The following HTR4 variants were observed in gnomAD, a reference collection of about 807,000 sequenced individuals.
HTR4 encodes 5-hydroxytryptamine receptor 4.
A neutral mutation model predicts 36.8 loss-of-function variants in HTR4; 16 were observed. The ratio of observed to expected loss-of-function variants is 0.43; its 90% CI spans 0.29 to 0.66. The LOEUF (loss-of-function observed/expected upper bound fraction) is 0.66. Among genes scored for constraint, HTR4 ranks in the 30% least tolerant of loss-of-function variants. The pLI is 0.13. For missense variants in HTR4, 438 were observed against 490.9 expected (o/e 0.89, Z 1.02); for synonymous variants, 189 against 185.1 (o/e 1.02, Z -0.17).
intron 2 of HTR4, among the ~76,000 whole-genome samples, chr5:148,612,308 C>T (rs1271306166): frequency 8.0e-5 from 12 of 150,736 alleles, no homozygotes; most frequent in African/African-American, 2.9e-4. Context: ...TGTAAAAGAA[C>T]AGAAATTATA....
intron 5 of HTR4, among the ~76,000 whole-genome samples, chr5:148,460,614 A>G (rs1036307544): frequency 2.6e-5 from 4 of 152,166 alleles, no homozygotes; most frequent in Admixed American, 6.5e-5. Flanking sequence ...TGTTGCCAGT[A>G]TACCTGCCTT....
chr5:148,650,024 G>T (rs1163806638), intron 1 of HTR4, among the ~76,000 whole-genome samples: 1 of 124,736 alleles, frequency 8.0e-6, no homozygotes, highest in African/African-American at 2.9e-5. Context: ...CCAGCAATTT[G>T]TGTTTTTTTT....
intron 5 of HTR4, among the ~76,000 whole-genome samples, chr5:148,520,718 T>G (rs1757971736): frequency 6.6e-6 from 1 of 152,254 alleles, no homozygotes; most frequent in African/African-American, 2.4e-5. Flanking sequence ...ATAGTAAGTG[T>G]TCAACATTCA....
intron 6 of HTR4, among the ~76,000 whole-genome samples, chr5:148,486,535 G>GT (rs559192442): frequency 2.0e-5 from 3 of 152,102 alleles, no homozygotes; most frequent in Non-Finnish European, 4.4e-5. Flanking sequence ...TTTCCCATTT[G>GT]TTAAATGAAG....
In HTR4 at chr5:148,537,286, T is replaced by A. The variant is rs893421953; in HGVS notation, c.353+11382A>T. 2.0e-5 allele frequency among the ~76,000 whole-genome samples: 3 copies of A among 152,012 alleles called. No individual in the cohort carries two copies. The East Asian group carries it at 5.8e-4, about 29-fold the overall frequency. On this transcript the variant is annotated intron_variant, in intron 4 of 6. Transcript: ENST00000377888. ...ACTAAATGCTCACATCAAAAAGTTA[T>A]AAAGATCTCAAATGAACAACCTGAC...
chr5:148,494,463 A>T lies in HTR4; in HGVS notation c.1077-11170T>A, dbSNP rs1428676822. 8.5e-5 allele frequency among the ~76,000 whole-genome samples: 13 copies of T among 152,274 alleles called. No homozygotes were observed. In the East Asian group the frequency reaches 2.5e-3, roughly 29 times the overall value. ...TTCTGCTGTGTTTTGCCTCTCACTC[A>T]TTCTCTTTGCCTCTTACTCATTTTC... On this transcript the variant is annotated intron_variant, in intron 6 of 6. Coordinates refer to ENST00000377888, the MANE Select transcript of HTR4 (RefSeq NM_000870.7).
chr5:148,549,143 C>A (rs1759549957), intron 3 of HTR4, among the ~76,000 whole-genome samples: 1 of 152,208 alleles, frequency 6.6e-6, no homozygotes. Flanking sequence ...CCTCCCCCTT[C>A]TGGCCACCCT....
intron 5 of HTR4, among the ~76,000 whole-genome samples, chr5:148,456,149 TC>T (rs1755097047): frequency 6.6e-6 from 1 of 152,154 alleles, no homozygotes; most frequent in Non-Finnish European, 1.5e-5. Flanking sequence ...GGACAGCACA[TC>T]CCAACTGGAG....
intron 2 of HTR4, among the ~76,000 whole-genome samples, chr5:148,601,764 A>C (rs527665010): frequency 2.6e-5 from 4 of 152,150 alleles, no homozygotes. Context: ...TGGTGCGGCC[A>C]CACTCCGGCC....
chr5:148,593,437 A>C (rs1180319010), intron 2 of HTR4, among the ~76,000 whole-genome samples: 1 of 152,200 alleles, frequency 6.6e-6, no homozygotes, highest in East Asian at 1.9e-4. Flanking sequence ...CAGCTAACCA[A>C]GAAGGAAACA....
In HTR4 at chr5:148,561,090, G is replaced by A. The variant is rs1191163668; in HGVS notation, c.27-10828C>T. Among the ~76,000 whole-genome samples, 5 of 152,062 alleles carry A rather than the reference G, an allele frequency of 3.3e-5. No individual in the cohort carries two copies. The South Asian group carries it at 8.3e-4, about 25-fold the overall frequency. On this transcript the variant is annotated intron_variant, in intron 2 of 6. Coordinates refer to ENST00000377888, the MANE Select transcript of HTR4 (RefSeq NM_000870.7). The stretch of plus-strand genomic sequence containing the variant: ...TTGAAAACCCTATAGACAAGGACAC[G>A]AGGGCAGGGAGGTGGTTGGTGCACA...
chr5:148,654,215 C>T lies in HTR4; in HGVS notation c.-201G>A. On this transcript the variant is annotated 5_prime_UTR_variant, in exon 1 of 7. Transcript: ENST00000377888. ...CCCCTCGGGTGCGGGCTCCAGCCCCCGCGCTGGGGAGCCGGCGAGCGTGAG... is the reference window on the plus strand; with the variant it reads ...CCCCTCGGGTGCGGGCTCCAGCCCCTGCGCTGGGGAGCCGGCGAGCGTGAG... The T allele has an allele frequency of 1.0e-6, 1 of 985,080 alleles. No homozygotes were observed. The highest frequency in any genetic ancestry group is 1.2e-6 in the Non-Finnish European group (1 of 829,818). The allele number at this position is 985,080 out of a possible 1,614,324, so 61.0% of individuals were successfully genotyped here.
At chr5:148,460,089 C>A (rs193100808) in intron 5 of HTR4, among the ~76,000 whole-genome samples, 2 of 150,960 alleles carry the variant, frequency 1.3e-5, no homozygotes, top group Admixed American at 6.6e-5. Flanking sequence ...ATAGAAACCT[C>A]CAAAATTGAA....
chr5:148,460,123 A>G (rs909908076), intron 5 of HTR4, among the ~76,000 whole-genome samples: 1 of 152,092 alleles, frequency 6.6e-6, no homozygotes, highest in African/African-American at 2.4e-5. Context: ...CAGAAAAAAA[A>G]TACAGAGCAC....
chr5:148,547,576 A>AAT (rs1759453020), intron 4 of HTR4, among the ~76,000 whole-genome samples: 1 of 117,558 alleles, frequency 8.5e-6, no homozygotes. Flanking sequence ...TAAATAAATA[A>AAT]AAATAAATGA....
chr5:148,492,062 C>A (rs527311623), intron 6 of HTR4, among the ~76,000 whole-genome samples: 2 of 152,304 alleles, frequency 1.3e-5, no homozygotes, highest in African/African-American at 4.8e-5. Flanking sequence ...CTCAAATAAA[C>A]CACGTTGGGC....
intron 2 of HTR4, among the ~76,000 whole-genome samples, chr5:148,602,863 A>G (rs1215973627): frequency 6.6e-6 from 1 of 152,190 alleles, no homozygotes; most frequent in East Asian, 1.9e-4. Context: ...TAAGCAACTG[A>G]ATATCCATAA....
intron 2 of HTR4, among the ~76,000 whole-genome samples, chr5:148,619,884 T>C (rs530360733): frequency 1.3e-5 from 2 of 152,184 alleles, no homozygotes; most frequent in Non-Finnish European, 2.9e-5. Context: ...TATAGCCTGT[T>C]TATTTTGAAA....
At chr5:148,451,365 C>T (rs1365768436) in intron 5 of HTR4, 6 of 1,587,924 alleles carry the variant, frequency 3.8e-6, no homozygotes, top group Non-Finnish European at 5.2e-6. Flanking sequence ...GACTTCCTTT[C>T]TTTGCATACT....
Sources: allele counts gnomAD v4.1 joint callset (sites outside exome capture counted in the v4.1 genomes callset), GRCh38; gene constraint gnomAD v4.1.1; transcripts MANE v1.5; gene names NCBI Gene and HGNC (gene_info 2026-07-23, HGNC 2026-07-21).